WDFY3: variants seen among roughly 807,000 people sequenced by gnomAD.
The protein encoded by WDFY3 is WD repeat and FYVE domain-containing protein 3.
A neutral mutation model predicts 409.6 loss-of-function variants in WDFY3; 66 were observed. The observed-to-expected ratio is 0.16, with a 90% CI of 0.13 to 0.20. The LOEUF (loss-of-function observed/expected upper bound fraction) is 0.20, where lower values mean the gene tolerates loss of function less well. Among genes scored for constraint, WDFY3 ranks in the 10% least tolerant of loss-of-function variants. The pLI, the probability that WDFY3 is intolerant of heterozygous loss-of-function variation, is 1.00. For missense variants in WDFY3, 3,031 were observed against 4,298.1 expected (o/e 0.71, Z 8.24); for synonymous variants, 1,521 against 1,537.1 (o/e 0.99, Z 0.25).
intron 1 of WDFY3, among the ~76,000 whole-genome samples, chr4:84,954,569 T>C (rs888387061): frequency 1.6e-4 from 24 of 152,276 alleles, no homozygotes; most frequent in African/African-American, 5.1e-4. Flanking sequence ...AAAACACATA[T>C]TATCATTCTT....
chr4:84,854,678 G>A (rs931960945), intron 4 of WDFY3, among the ~76,000 whole-genome samples: 2 of 152,202 alleles, frequency 1.3e-5, no homozygotes, highest in Non-Finnish European at 2.9e-5. Context: ...GGGAGGTTGA[G>A]GTGGGTAGAT....
intron 64 of WDFY3, among the ~76,000 whole-genome samples, chr4:84,679,498 C>T (rs573074551): frequency 1.6e-4 from 24 of 152,262 alleles, no homozygotes; most frequent in African/African-American, 5.8e-4. Context: ...CAATCTCTCA[C>T]AATCTGGCCA....
intron 34 of WDFY3, among the ~76,000 whole-genome samples, 183 bp downstream of exon 34, chr4:84,755,083 G>C (rs536439674): frequency 3.3e-5 from 5 of 152,090 alleles, no homozygotes; most frequent in African/African-American, 1.2e-4. Flanking sequence ...CAGAGTGCAC[G>C]GTCTTAACAA....
chr4:84,709,877 C>T (rs1373709140), intron 51 of WDFY3, among the ~76,000 whole-genome samples: 1 of 152,128 alleles, frequency 6.6e-6, no homozygotes, highest in South Asian at 2.1e-4. Flanking sequence ...CATGCACTCG[C>T]CACCACGCCC....
intron 2 of WDFY3, among the ~76,000 whole-genome samples, chr4:84,921,086 T>C (rs1019761807): frequency 2.6e-5 from 4 of 152,142 alleles, no homozygotes; most frequent in Admixed American, 2.6e-4. Context: ...CCAACACTAA[T>C]AAAATATATT....
chr4:84,758,030 C>G (rs955362481), intron 32 of WDFY3, among the ~76,000 whole-genome samples: 1 of 152,136 alleles, frequency 6.6e-6, no homozygotes, highest in African/African-American at 2.4e-5. Context: ...ACTAATGTAG[C>G]TTATGGCATC....
chr4:84,748,020 T>TC (rs1406763895), intron 36 of WDFY3, among the ~76,000 whole-genome samples: 1 of 152,140 alleles, frequency 6.6e-6, no homozygotes, highest in Non-Finnish European at 1.5e-5. Context: ...CAGCACCCTC[T>TC]CAGTTTCATT....
intron 5 of WDFY3, among the ~76,000 whole-genome samples, chr4:84,844,848 A>T (rs1416228742): frequency 2.0e-5 from 3 of 152,196 alleles, no homozygotes; most frequent in South Asian, 2.1e-4. Context: ...TGGCCACAAC[A>T]TTATGTTTTT....
intron 5 of WDFY3, among the ~76,000 whole-genome samples, chr4:84,842,718 G>T (rs1578774800): frequency 6.7e-6 from 1 of 150,264 alleles, no homozygotes; most frequent in African/African-American, 2.5e-5. Flanking sequence ...GAGGCGGAGG[G>T]TGCAGTGAGC....
chr4:84,946,573 T>C (rs1401940112), intron 1 of WDFY3, among the ~76,000 whole-genome samples: 2 of 152,064 alleles, frequency 1.3e-5, no homozygotes, highest in African/African-American at 4.8e-5. Flanking sequence ...GGGTTATCTC[T>C]ACTAGTGGGG....
chr4:84,821,002 C>T (rs950351203), intron 11 of WDFY3, 82 bp downstream of exon 11: 1 of 1,304,942 alleles, frequency 7.7e-7, no homozygotes, highest in Non-Finnish European at 1.0e-6. Context: ...AAATCAATAA[C>T]CAAAGAATGG....
chr4:84,820,119 C>A lies in WDFY3; in HGVS notation c.1659G>T (p.Leu553Phe). 6.2e-7 allele frequency: 1 copy of A among 1,606,538 alleles called. No individual in the cohort carries two copies. Among genetic ancestry groups the A allele is most frequent in the South Asian group, 1.1e-5 (1 of 90,038 alleles). The change falls in exon 12 of 68, where the codon TTG (leucine) becomes TTT (phenylalanine). Residue 553 changes from leucine to phenylalanine, a missense_variant. Physicochemically the swap from Leu to Phe is conservative, Grantham distance 22. Transcript: ENST00000295888. ...TGTTTGATCCTTGAAGAAGCACTGT[C>A]AAGGTCTCCATAACCAATAAAGCCA... is the stretch of plus-strand genomic sequence containing the variant. Reference protein sequence around the residue: ...KHLALLVMETLTVLLQGSNTN... With the variant: ...KHLALLVMETFTVLLQGSNTN...
chr4:84,787,002 C>A (rs954407580), intron 23 of WDFY3, among the ~76,000 whole-genome samples: 1 of 151,994 alleles, frequency 6.6e-6, no homozygotes, highest in African/African-American at 2.4e-5. Flanking sequence ...AACATCAGTT[C>A]CTCTGAGTCT....
intron 48 of WDFY3, among the ~76,000 whole-genome samples, 200 bp downstream of exon 48, chr4:84,718,222 T>C (rs1734286585): frequency 6.6e-6 from 1 of 152,128 alleles, no homozygotes; most frequent in Admixed American, 6.5e-5. Flanking sequence ...AGCTTTCATC[T>C]TGATAAATAA....
intron 13 of WDFY3, among the ~76,000 whole-genome samples, chr4:84,813,945 T>C (rs562656316): frequency 3.3e-5 from 5 of 152,284 alleles, no homozygotes; most frequent in African/African-American, 1.2e-4. Flanking sequence ...ATATTCAAAA[T>C]TGTCATTATA....
chr4:84,904,813 T>C (rs1384819674), intron 2 of WDFY3, among the ~76,000 whole-genome samples: 2 of 152,236 alleles, frequency 1.3e-5, no homozygotes, highest in Non-Finnish European at 2.9e-5. Context: ...TGATTGCCAC[T>C]TGACGTCTCC....
chr4:84,763,184 G>C (rs1295632373), intron 32 of WDFY3, among the ~76,000 whole-genome samples: 2 of 152,090 alleles, frequency 1.3e-5, no homozygotes, highest in Non-Finnish European at 2.9e-5. Flanking sequence ...CTACATGAAA[G>C]ATTTTTATGG....
At chr4:84,813,340 G>T (rs1441452133) in intron 13 of WDFY3, among the ~76,000 whole-genome samples, 9 of 152,064 alleles carry the variant, frequency 5.9e-5, no homozygotes. Context: ...CAGGAATTTT[G>T]TAAGTCAGTT....
rs1749114009 is a variant in WDFY3, at chr4:84,794,907, A to G, written c.3240T>C (p.Asp1080=). The G allele has an allele frequency of 1.3e-6, 2 of 1,580,630 alleles. No individual in the cohort carries two copies. Among genetic ancestry groups the G allele is most frequent in the Non-Finnish European group, 1.7e-6 (2 of 1,168,740 alleles). ...TNNTVTTGLI[D]GAVVSGIGSG... ...AACCAATGCCACTGACCACAGCCCC[A>G]TCAATAAGACCTGTTGTGACGGTAT... Residue 1080 remains aspartate, a synonymous_variant, in exon 20 of 68, where the codon GAT becomes GAC. Transcript: ENST00000295888.
Sources: allele counts gnomAD v4.1 joint callset (sites outside exome capture counted in the v4.1 genomes callset), GRCh38; gene constraint gnomAD v4.1.1; transcripts MANE v1.5; gene names NCBI Gene and HGNC (gene_info 2026-07-23, HGNC 2026-07-21).